ELP3: variants seen among roughly 807,000 people sequenced by gnomAD.
ELP3 encodes the protein elongator complex protein 3.
Under a neutral mutation model 74.9 loss-of-function variants are expected in ELP3, and 56 were observed. The ratio of observed to expected loss-of-function variants is 0.75; its 90% confidence interval spans 0.60 to 0.93. The LOEUF (loss-of-function observed/expected upper bound fraction) is 0.93. Among genes scored for constraint, ELP3 ranks in the 40% least tolerant of loss-of-function variants. The pLI is 0.00. For missense variants in ELP3, 573 were observed against 686.5 expected (o/e 0.83, Z 1.85); for synonymous variants, 222 against 239.8 (o/e 0.93, Z 0.68).
chr8:28,103,825 G>A (rs1167076773), intron 3 of ELP3, among the ~76,000 whole-genome samples: 1 of 152,172 alleles, frequency 6.6e-6, no homozygotes, highest in Non-Finnish European at 1.5e-5. Flanking sequence ...AACCTCCCAG[G>A]TTCAAGCTAT....
rs149421759 is a variant in ELP3, at chr8:28,180,167, T to C, written c.1568-9482T>C. On this transcript the variant is annotated intron_variant, in intron 14 of 14. Transcript: ENST00000256398. ...TGGGCTTCTTTAATCAGTGAACTGGTTTTTAAAATCAGTTCTGTGTGATTT... is the reference window on the plus strand; with the variant it reads ...TGGGCTTCTTTAATCAGTGAACTGGCTTTTAAAATCAGTTCTGTGTGATTT... Among the ~76,000 whole-genome samples, 118 of 152,296 alleles carry C rather than the reference T, an allele frequency of 7.7e-4. 2 individuals carry two copies. The East Asian group carries it at 0.017, about 22-fold the overall frequency.
At chr8:28,104,378 G>A (rs935094641) in intron 3 of ELP3, among the ~76,000 whole-genome samples, 4 of 152,114 alleles carry the variant, frequency 2.6e-5, no homozygotes, top group African/African-American at 9.7e-5. Flanking sequence ...TTGTATTTGA[G>A]TTCGTGTTTG....
At chr8:28,158,477 TTAAATA>T in intron 11 of ELP3, 85 bp from the exon 12 acceptor site, 1 of 917,412 alleles carries the variant, frequency 1.1e-6, no homozygotes, top group African/African-American at 1.8e-5. Context: ...GTGGAGAGGT[TTAAATA>T]AAAATAAAGA....
intron 12 of ELP3, 112 bp downstream of exon 12, chr8:28,158,745 C>A: frequency 1.2e-6 from 1 of 806,928 alleles, no homozygotes; most frequent in Non-Finnish European, 2.1e-6. Context: ...TAACTAAGAG[C>A]AGAGACTAAT....
chr8:28,173,126 G>A lies in ELP3; in HGVS notation c.1567+11048G>A, dbSNP rs139477176. Among the ~76,000 whole-genome samples, 524 of 152,086 alleles carry A rather than the reference G, an allele frequency of 3.4e-3. 4 individuals carry two copies. Among genetic ancestry groups the A allele is most frequent in the African/African-American group, 0.012 (510 of 41,544 alleles). The stretch of plus-strand genomic sequence containing the variant: ...GTGTCTTTATCTGGCTTTGATAACA[G>A]AGTAATGCTGGCTTTATTAAATGAA... On this transcript the variant is annotated intron_variant, in intron 14 of 14. Coordinates refer to ENST00000256398, the MANE Select transcript of ELP3 (RefSeq NM_018091.6).
At chr8:28,091,165 C>T (rs1811042028), upstream of ELP3, among the ~76,000 whole-genome samples, 1 of 152,018 alleles carries the variant, frequency 6.6e-6, no homozygotes, top group Admixed American at 6.5e-5. Context: ...CTCGGCCTCC[C>T]AAAGTGCTGG....
chr8:28,112,960 C>T (rs2130397165), intron 6 of ELP3, 59 bp from the exon 7 acceptor site: 2 of 1,476,386 alleles, frequency 1.4e-6, no homozygotes, highest in Non-Finnish European at 1.8e-6. Flanking sequence ...TTTGCAATGC[C>T]TTCTTAGAGT....
chr8:28,160,507 A>G (rs1814033941), intron 13 of ELP3, 51 bp downstream of exon 13: 1 of 1,500,930 alleles, frequency 6.7e-7, no homozygotes, highest in Admixed American at 1.9e-5. Flanking sequence ...CCTAAGTAGG[A>G]AAAGAGAAAA....
Position 28,099,867 on chromosome 8 carries a change from C to G in ELP3, c.159C>G (p.Ala53=), listed in dbSNP as rs767268860. The change falls in exon 3 of 15, where the codon GCC becomes GCG. Residue 53 remains alanine, a synonymous_variant. Coordinates refer to ENST00000256398, the MANE Select transcript of ELP3 (RefSeq NM_018091.6). ...CAGCTGCCAAATATGGCCTTTCTGC[C>G]CAGCCCCGCCTGGTGGATATCATTG... ...TKTAAKYGLS[A]QPRLVDIIAA... is the part of the protein sequence containing the mutation. 4 of 1,614,054 alleles carry G rather than the reference C, an allele frequency of 2.5e-6. No individual in the cohort carries two copies. The African/African-American group carries it at 4.0e-5, about 16-fold the overall frequency.
intron 14 of ELP3, among the ~76,000 whole-genome samples, chr8:28,187,571 C>T (rs544328617): frequency 5.9e-5 from 9 of 152,270 alleles, no homozygotes; most frequent in African/African-American, 1.9e-4. Context: ...AGTGCACGCC[C>T]GTCTCAGGAC....
At chr8:28,161,915 A>G in intron 13 of ELP3, 82 bp from the exon 14 acceptor site, 7 of 1,382,284 alleles carry the variant, frequency 5.1e-6, no homozygotes, top group South Asian at 1.2e-5. Context: ...CTACTAAAGT[A>G]TATAGCCTTC....
chr8:28,114,901 A>T (rs2130405289), intron 7 of ELP3, among the ~76,000 whole-genome samples: 1 of 152,294 alleles, frequency 6.6e-6, no homozygotes, highest in African/African-American at 2.4e-5. Context: ...GGATTAGAGG[A>T]GTACCAGGGT....
intron 14 of ELP3, among the ~76,000 whole-genome samples, chr8:28,187,496 A>G (rs1815285979): frequency 6.6e-6 from 1 of 152,156 alleles, no homozygotes; most frequent in African/African-American, 2.4e-5. Context: ...CATCTCACTC[A>G]GAATAAAAGC....
chr8:28,096,938 T>G (rs530503900), intron 1 of ELP3, among the ~76,000 whole-genome samples: 1 of 152,242 alleles, frequency 6.6e-6, no homozygotes, highest in Non-Finnish European at 1.5e-5. Flanking sequence ...CTCCTCACAT[T>G]GTTTCTACTC....
In ELP3 at chr8:28,098,759, A is replaced by G. The variant is rs1199342708; in HGVS notation, c.120-1069A>G. On this transcript the variant is annotated intron_variant, in intron 2 of 14. Transcript: ENST00000256398. ...TTGGTCTGCTTGTATTTCTTAAAAT[A>G]TATGCATTCCTGTTTTTGCATCTGC... Among the ~76,000 whole-genome samples the G allele has an allele frequency of 2.6e-5, 4 of 152,204 alleles. No individual in the cohort carries two copies. In the East Asian group the frequency reaches 5.8e-4, roughly 22 times the overall value.
intron 11 of ELP3, 39 bp from the exon 12 acceptor site, chr8:28,158,529 C>T: frequency 1.5e-6 from 2 of 1,376,516 alleles, no homozygotes; most frequent in Non-Finnish European, 2.1e-6. Context: ...TGTACCCCTC[C>T]CACCCCCCAA....
chr8:28,133,799 A>C (rs1212989585), intron 9 of ELP3, among the ~76,000 whole-genome samples: 1 of 152,144 alleles, frequency 6.6e-6, no homozygotes, highest in Non-Finnish European at 1.5e-5. Flanking sequence ...CCTGTTTATG[A>C]GATAACATTA....
intron 14 of ELP3, among the ~76,000 whole-genome samples, chr8:28,173,928 T>G (rs1814636710): frequency 6.6e-6 from 1 of 152,052 alleles, no homozygotes; most frequent in Non-Finnish European, 1.5e-5. Context: ...TCTGTTATTC[T>G]AGTTTCATTT....
At chr8:28,110,486 A>G in intron 6 of ELP3, 48 bp downstream of exon 6, 2 of 1,424,374 alleles carry the variant, frequency 1.4e-6, no homozygotes, top group Non-Finnish European at 1.9e-6. Flanking sequence ...GTTTATACTT[A>G]GTAAGAAGCC....
Sources: gnomAD v4.1 joint callset for allele counts (sites outside exome capture counted in the v4.1 genomes callset) on GRCh38, gnomAD v4.1.1 for gene constraint, MANE v1.5 for transcripts, NCBI Gene and HGNC (gene_info 2026-07-23, HGNC 2026-07-21) for gene names.